Variants in DENND11 observed in about 807,000 individuals in gnomAD.
DENND11 encodes the protein DENN domain containing 11, also known as DENN domain-containing protein 11.
A neutral mutation model predicts 49.2 loss-of-function variants in DENND11; 34 were observed. The observed-to-expected ratio is 0.69, with a 90% CI of 0.53 to 0.92. The LOEUF (loss-of-function observed/expected upper bound fraction) is 0.92, where lower values mean the gene tolerates loss of function less well. Among genes scored for constraint, DENND11 ranks in the 40% least tolerant of loss-of-function variants. DENND11 has a pLI of 0.00. For synonymous variants in DENND11, 238 were observed against 230.3 expected (o/e 1.03, Z -0.30); for missense variants, 475 against 581.6 (o/e 0.82, Z 1.88).
At chr7:141,685,717 G>C (rs1798229618) in intron 2 of DENND11, 81 bp from the exon 3 acceptor site, 5 of 1,456,474 alleles carry the variant, frequency 3.4e-6, no homozygotes, top group Non-Finnish European at 4.7e-6. Flanking sequence ...CAAATGAACT[G>C]TGTTCGGGGC....
intron 4 of DENND11, among the ~76,000 whole-genome samples, chr7:141,671,397 A>T (rs1273387988): frequency 6.6e-6 from 1 of 152,164 alleles, no homozygotes; most frequent in African/African-American, 2.4e-5. Flanking sequence ...GGCTGGTCTC[A>T]AACTCTCGAC....
At chr7:141,690,414 A>G (rs150035457) in intron 1 of DENND11, among the ~76,000 whole-genome samples, 154 of 152,254 alleles carry the variant, frequency 1.0e-3, no homozygotes, top group African/African-American at 3.5e-3. Flanking sequence ...CCTCTTGTTC[A>G]GAAGTTTACT....
chr7:141,685,586 G>A lies in DENND11; in HGVS notation c.419C>T (p.Pro140Leu), dbSNP rs1798226768. The A allele has an allele frequency of 1.9e-6, 3 of 1,613,974 alleles. No homozygotes were observed. Among genetic ancestry groups the A allele is most frequent in the Non-Finnish European group, 2.5e-6 (3 of 1,179,898 alleles). Residue 140 changes from proline to leucine, a missense_variant, in exon 3 of 9, where the codon CCC (proline) becomes CTC (leucine). Physicochemically the swap from Pro to Leu is moderately conservative, Grantham distance 98. Transcript: ENST00000536163. ...FFGLACFANM[P>L]VESELERGAR... The stretch of plus-strand genomic sequence containing the variant: ...GCCACGTTCCAGCTCGCTCTCCACG[G>A]GCATGTTGGCAAAGCAGGCCAGGCC...
chr7:141,691,748 G>A (rs947477609), intron 1 of DENND11, among the ~76,000 whole-genome samples: 4 of 152,128 alleles, frequency 2.6e-5, no homozygotes, highest in African/African-American at 9.7e-5. Flanking sequence ...TGAATGAAAG[G>A]GAAGTAGGTA....
intron 1 of DENND11, among the ~76,000 whole-genome samples, chr7:141,688,936 A>G (rs938122884): frequency 2.6e-5 from 4 of 152,110 alleles, no homozygotes; most frequent in African/African-American, 9.7e-5. Flanking sequence ...CAGAGCTACA[A>G]TGACCCTCGA....
Position 141,662,663 on chromosome 7 carries a change from C to T in DENND11, c.1361G>A (p.Cys454Tyr). The part of the protein sequence containing the change: ...DVMLVIDNPC[C>Y]P ...CAGTCCTGTTGGCTCCTCCTACGGGCAACAGGGGTTGTCGATAACCAGCAT... is the reference window on the plus strand; with the variant it reads ...CAGTCCTGTTGGCTCCTCCTACGGGTAACAGGGGTTGTCGATAACCAGCAT... Residue 454 changes from cysteine to tyrosine, a missense_variant, in exon 9 of 9, where the codon TGC becomes TAC. Physicochemically the swap from Cys to Tyr is radical, Grantham distance 194 (BLOSUM62 -2). Transcript: ENST00000536163. 6.3e-7 allele frequency: 1 copy of T among 1,586,212 alleles called. No homozygotes were observed. Among genetic ancestry groups the T allele is most frequent in the Non-Finnish European group, 8.6e-7 (1 of 1,167,266 alleles).
At chr7:141,687,377 A>G (rs773833159) in intron 1 of DENND11, among the ~76,000 whole-genome samples, 3 of 152,184 alleles carry the variant, frequency 2.0e-5, no homozygotes, top group Non-Finnish European at 4.4e-5. Flanking sequence ...CAGTGAGATT[A>G]GATTCCAGAG....
chr7:141,673,676 A>G (rs1471013227), intron 4 of DENND11, among the ~76,000 whole-genome samples: 1 of 152,258 alleles, frequency 6.6e-6, no homozygotes, highest in Non-Finnish European at 1.5e-5. Flanking sequence ...AAGCCAAAGT[A>G]CTTCAGGAAC....
chr7:141,657,394 C>G lies in DENND11; in HGVS notation c.*5262G>C, dbSNP rs1334621431. Reference sequence around the variant, plus strand: ...CAAACTTTTTTTTGTATAACACCATCTTAAAATTTTTTAGTATACTTTATC... The same window carrying G: ...CAAACTTTTTTTTGTATAACACCATGTTAAAATTTTTTAGTATACTTTATC... On this transcript the variant is annotated 3_prime_UTR_variant, in exon 9 of 9. Transcript: ENST00000536163. 6.6e-6 allele frequency: 1 copy of G among 152,190 alleles called. No homozygotes were observed. The highest frequency in any genetic ancestry group is 1.5e-5 in the Non-Finnish European group (1 of 68,026). The allele number at this position is 152,190 out of a possible 1,614,324, so 9.4% of individuals were successfully genotyped here.
intron 4 of DENND11, among the ~76,000 whole-genome samples, chr7:141,667,903 C>T (rs13231071): frequency 0.11 from 17,230 of 152,260 alleles, 1,380 homozygotes; most frequent in East Asian, 0.35. Flanking sequence ...TTGCCACCCA[C>T]GCCTACTCCT....
At chr7:141,694,146 ATACAT>A (rs1411108399) in intron 1 of DENND11, among the ~76,000 whole-genome samples, 3 of 152,224 alleles carry the variant, frequency 2.0e-5, no homozygotes, top group Non-Finnish European at 1.5e-5. Context: ...AAAAAATAAA[ATACAT>A]TAATTATTTA....
At chr7:141,666,984 G>A (rs960855473) in intron 4 of DENND11, among the ~76,000 whole-genome samples, 26 of 152,198 alleles carry the variant, frequency 1.7e-4, no homozygotes, top group African/African-American at 5.8e-4. Context: ...GAGTGCTGTG[G>A]CGTGATCTTG....
intron 3 of DENND11, among the ~76,000 whole-genome samples, chr7:141,677,387 T>C (rs1215800988): frequency 1.9e-5 from 2 of 105,908 alleles, no homozygotes; most frequent in African/African-American, 6.1e-5. Context: ...GAGACTCTTG[T>C]CTCAAAAAAA....
At position 141,658,716 on chromosome 7, in the gene DENND11, C is replaced by T. The variant is rs918900920; in HGVS notation, c.*3940G>A. On this transcript the variant is annotated 3_prime_UTR_variant, in exon 9 of 9. Coordinates refer to ENST00000536163, the MANE Select transcript of DENND11 (RefSeq NM_001080392.2). Reference sequence around the variant, plus strand: ...CCTATACAGGGTCTGGAGAAAGCATCTCAATCCATTCCCTGGGCTATACAG... The same window carrying T: ...CCTATACAGGGTCTGGAGAAAGCATTTCAATCCATTCCCTGGGCTATACAG... The T allele has an allele frequency of 6.6e-6, 1 of 152,122 alleles. No homozygotes were observed. Among genetic ancestry groups the T allele is most frequent in the Non-Finnish European group, 1.5e-5 (1 of 68,026 alleles). The allele number at this position is 152,122 out of a possible 1,614,324, so 9.4% of individuals were successfully genotyped here.
intron 1 of DENND11, among the ~76,000 whole-genome samples, chr7:141,694,892 TCA>T (rs1798388253): frequency 6.6e-6 from 1 of 152,160 alleles, no homozygotes; most frequent in Non-Finnish European, 1.5e-5. Context: ...ACCTCTAGCG[TCA>T]CAGTTTTGCC....
chr7:141,673,986 T>C (rs1283854854), intron 4 of DENND11, 81 bp downstream of exon 4: 1 of 1,467,948 alleles, frequency 6.8e-7, no homozygotes, highest in African/African-American at 1.4e-5. Context: ...CATAAATTTT[T>C]TATTCATTAA....
chr7:141,668,831 T>C (rs957424784), intron 4 of DENND11, among the ~76,000 whole-genome samples: 1 of 152,114 alleles, frequency 6.6e-6, no homozygotes, highest in Non-Finnish European at 1.5e-5. Flanking sequence ...CTGCTTTCAT[T>C]GAAATCTCTT....
intron 1 of DENND11, among the ~76,000 whole-genome samples, chr7:141,695,154 A>ATT (rs565155621): frequency 6.6e-6 from 1 of 151,152 alleles, no homozygotes; most frequent in East Asian, 1.9e-4. Flanking sequence ...TTACTTCATG[A>ATT]TTTTTTTTTG....
intron 4 of DENND11, among the ~76,000 whole-genome samples, chr7:141,666,633 T>C (rs1385949244): frequency 6.6e-6 from 1 of 152,224 alleles, no homozygotes; most frequent in African/African-American, 2.4e-5. Flanking sequence ...AGCTCCCTGA[T>C]ACACTGATGT....
Sources: gnomAD v4.1 joint callset for allele counts (sites outside exome capture counted in the v4.1 genomes callset) on GRCh38, gnomAD v4.1.1 for gene constraint, MANE v1.5 for transcripts, NCBI Gene and HGNC (gene_info 2026-07-23, HGNC 2026-07-21) for gene names.